DLEC1: variants seen among roughly 807,000 people sequenced by gnomAD.
The protein encoded by DLEC1 is DLEC1 cilia and flagella associated protein.
In DLEC1, 146 loss-of-function variants were observed where a neutral mutation model predicts 198.1. That is an observed-to-expected ratio of 0.74 (90% CI 0.64 to 0.85). DLEC1 has a LOEUF of 0.85. Ranked by LOEUF, DLEC1 falls within the 40% of genes least tolerant of loss-of-function variation. DLEC1 has a pLI of 0.00. For missense variants in DLEC1, 2,233 were observed against 2,220.0 expected (o/e 1.01, Z -0.12); for synonymous variants, 897 against 866.8 (o/e 1.03, Z -0.61).
chr3:38,056,589 C>T (rs1328805756), intron 2 of DLEC1, among the ~76,000 whole-genome samples: 6 of 152,176 alleles, frequency 3.9e-5, no homozygotes, highest in Non-Finnish European at 5.9e-5. Context: ...GGATTACAGG[C>T]GTGAGCCACC....
At chr3:38,096,450 A>G in intron 14 of DLEC1, 119 bp from the exon 15 acceptor site, 1 of 1,197,630 alleles carries the variant, frequency 8.3e-7, no homozygotes, top group East Asian at 2.4e-5. Flanking sequence ...GGGGCTCAGG[A>G]GCTGTGGGTT....
Position 38,122,629 on chromosome 3 carries a change from GACC to G in DLEC1, c.*223_*225del. The G allele has an allele frequency of 5.9e-6, 9 of 1,518,354 alleles. No homozygotes were observed. Among genetic ancestry groups the G allele is most frequent in the Non-Finnish European group, 7.9e-6 (9 of 1,138,286 alleles). The allele number at this position is 1,518,354 out of a possible 1,614,324, so 94.1% of individuals were successfully genotyped here. A position where few individuals can be genotyped will look rare whatever the true frequency, so the allele number is the denominator to read the frequency against. On this transcript the variant is annotated 3_prime_UTR_variant, in exon 37 of 37. Transcript: ENST00000308059. ...AAAGGACAGGCCACACCACAGCAGA[GACC>G]ACCACATTGAGATCACTACTCAGTG...
At chr3:38,084,389 G>T (rs62240737) in intron 7 of DLEC1, 144 bp downstream of exon 7, 1 of 520,566 alleles carries the variant, frequency 1.9e-6, no homozygotes, top group Non-Finnish European at 3.1e-6. Context: ...TGGTAGTAGT[G>T]GTAGTAGTAG....
chr3:38,065,050 T>C lies in DLEC1; in HGVS notation c.1173+1131T>C, dbSNP rs1187843552. On this transcript the variant is annotated intron_variant, in intron 6 of 36. Coordinates refer to ENST00000308059, the MANE Select transcript of DLEC1 (RefSeq NM_007335.4). ...CCACTGCACTCCAGCCTGGGCAACA[T>C]TGAGCACTGAGTGAGCGAGACTCCG... Among the ~76,000 whole-genome samples, 3 of 152,144 alleles carry C rather than the reference T, an allele frequency of 2.0e-5. No individual in the cohort carries two copies. In the South Asian group the frequency reaches 6.2e-4, roughly 32 times the overall value.
Position 38,039,573 on chromosome 3 carries a change from C to T in DLEC1, c.348C>T (p.Ser116=). 4.3e-6 allele frequency: 7 copies of T among 1,613,686 alleles called. No individual in the cohort carries two copies. Among genetic ancestry groups the T allele is most frequent in the Non-Finnish European group, 5.9e-6 (7 of 1,179,792 alleles). Residue 116 remains serine, a synonymous_variant, in exon 1 of 37, where the codon AGC becomes AGT. Coordinates refer to ENST00000308059, the MANE Select transcript of DLEC1 (RefSeq NM_007335.4). ...AEVIGDEVSA[S]LIKARGSENE... The stretch of plus-strand genomic sequence containing the variant: ...TCATCGGCGACGAAGTGAGCGCAAG[C>T]TTGATCAAGGCCCGCGGCAGCGAGA...
intron 6 of DLEC1, among the ~76,000 whole-genome samples, chr3:38,071,189 A>T (rs1046655779): frequency 6.6e-6 from 1 of 152,166 alleles, no homozygotes. Flanking sequence ...GATGGCCTGG[A>T]TATGGTTTTG....
chr3:38,104,131 T>C (rs1010571368), intron 19 of DLEC1, among the ~76,000 whole-genome samples: 4 of 152,194 alleles, frequency 2.6e-5, no homozygotes, highest in Non-Finnish European at 5.9e-5. Context: ...TGAGGTATGT[T>C]TGTAACTGAA....
At position 38,058,024 on chromosome 3, in the gene DLEC1, C is replaced by T. The variant is rs372651016; in HGVS notation, c.563-1718C>T. 5.3e-5 allele frequency among the ~76,000 whole-genome samples: 8 copies of T among 152,028 alleles called. No homozygotes were observed. In the East Asian group the frequency reaches 7.7e-4, roughly 15 times the overall value. On this transcript the variant is annotated intron_variant, in intron 2 of 36. Transcript: ENST00000308059. ...TAGAGACGGGGTTTCACCGTGGTCT[C>T]GATCTCCTGACCTCGTGATCCGCCT...
At chr3:38,062,131 T>A in intron 3 of DLEC1, 38 bp from the exon 4 acceptor site, 4 of 1,611,258 alleles carry the variant, frequency 2.5e-6, no homozygotes, top group Non-Finnish European at 3.4e-6. Context: ...CCTCCTCACC[T>A]TGTTGCAGTG....
chr3:38,087,306 A>G (rs56020818), intron 9 of DLEC1, among the ~76,000 whole-genome samples: 1 of 148,210 alleles, frequency 6.7e-6, no homozygotes, highest in African/African-American at 2.5e-5. Flanking sequence ...GACACCATCC[A>G]TCAGCACTGA....
intron 6 of DLEC1, among the ~76,000 whole-genome samples, chr3:38,080,389 T>G (rs1034385217): frequency 1.1e-4 from 17 of 152,176 alleles, no homozygotes; most frequent in African/African-American, 4.1e-4. Context: ...TGCTTGGGGT[T>G]GGGACTGAGG....
intron 7 of DLEC1, among the ~76,000 whole-genome samples, chr3:38,084,479 GGTAGTAGTGGTGGTA>G (rs1559430446): frequency 2.2e-3 from 11 of 5,000 alleles, no homozygotes; most frequent in Admixed American, 8.1e-3. Context: ...TGGTGGTGGT[GGTAGTAGTGGTGGTA>G]GTAGTAGTGG....
At position 38,039,831 on chromosome 3, in the gene DLEC1, A is replaced by C. The variant is rs750175296; in HGVS notation, c.411+195A>C. On this transcript the variant is annotated intron_variant, in intron 1 of 36. Transcript: ENST00000308059. ...ATACACACACATGCGCAAATACCAC[A>C]CATACCACACAACGTGCGGCATATA... Among the ~76,000 whole-genome samples, 3 of 152,226 alleles carry C rather than the reference A, an allele frequency of 2.0e-5. No individual in the cohort carries two copies. In the South Asian group the frequency reaches 6.2e-4, roughly 31 times the overall value.
chr3:38,086,198 G>A (rs35445978), intron 8 of DLEC1, 43 bp from the exon 9 acceptor site: 1 of 1,577,322 alleles, frequency 6.3e-7, no homozygotes. Flanking sequence ...CCTATTAAGA[G>A]TGACCTGTTG....
chr3:38,109,660 A>G, intron 22 of DLEC1, 98 bp downstream of exon 22: 1 of 1,568,900 alleles, frequency 6.4e-7, no homozygotes, highest in African/African-American at 1.4e-5. Context: ...GTCTGCGCCC[A>G]TCTGATTCCT....
At position 38,080,233 on chromosome 3, in the gene DLEC1, G is replaced by A. The variant is rs556125115; in HGVS notation, c.1174-3925G>A. On this transcript the variant is annotated intron_variant, in intron 6 of 36. Transcript: ENST00000308059. ...TAGTCACGGAACGAAACTGTAAGCC[G>A]GACCAGGTGTGAGGAGGGGAGGTGA... 9.1e-4 allele frequency among the ~76,000 whole-genome samples: 139 copies of A among 152,284 alleles called. 1 individual carries two copies. Among genetic ancestry groups the A allele is most frequent in the Non-Finnish European group, 1.6e-3 (106 of 68,014 alleles).
chr3:38,108,621 G>A lies in DLEC1; in HGVS notation c.3129+106G>A, dbSNP rs9862381. On this transcript the variant is annotated intron_variant, in intron 21 of 36. Transcript: ENST00000308059. ...AGCTTAGGCCACATTGCTGGTTCTT[G>A]TGGGTGGGGAAGAGATTTCTTGCAT... 5 of 868,010 alleles carry A rather than the reference G, an allele frequency of 5.8e-6. No individual in the cohort carries two copies. In the African/African-American group the frequency reaches 8.3e-5, roughly 14 times the overall value. 53.8% of individuals were successfully genotyped at this position (868,010 alleles called of 1,614,324 possible). A position where few individuals can be genotyped will look rare whatever the true frequency, so the allele number is the denominator to read the frequency against.
chr3:38,116,681 G>A, intron 28 of DLEC1, 23 bp downstream of exon 28: 3 of 1,612,970 alleles, frequency 1.9e-6, no homozygotes, highest in Non-Finnish European at 2.5e-6. Flanking sequence ...GGAGGGGCGG[G>A]GCAGGCTGGC....
intron 22 of DLEC1, 179 bp from the exon 23 acceptor site, chr3:38,109,919 TC>T: frequency 1.3e-6 from 1 of 743,360 alleles, no homozygotes; most frequent in Non-Finnish European, 2.1e-6. Flanking sequence ...TTGAGGCCTC[TC>T]TCAGCATCAT....
Sources: gnomAD v4.1 joint callset for allele counts (sites outside exome capture counted in the v4.1 genomes callset) on GRCh38, gnomAD v4.1.1 for gene constraint, MANE v1.5 for transcripts, NCBI Gene and HGNC (gene_info 2026-07-23, HGNC 2026-07-21) for gene names.